The following SPAST variants were observed in gnomAD, a reference collection of about 807,000 sequenced individuals.
SPAST encodes spastic paraplegia 4 (autosomal dominant; spastin).
SPAST carries 30 observed loss-of-function variants against 76.6 expected under a neutral mutation model. The ratio of observed to expected loss-of-function variants is 0.39; its 90% CI spans 0.29 to 0.53. The LOEUF is 0.53. Ranked by LOEUF, SPAST falls within the 20% of genes least tolerant of loss-of-function variation. The pLI is 0.68. For synonymous variants in SPAST, 305 were observed against 281.0 expected (o/e 1.09, Z -0.86); for missense variants, 717 against 770.5 (o/e 0.93, Z 0.82).
intron 16 of SPAST, among the ~76,000 whole-genome samples, chr2:32,148,803 T>TC (rs1679980011): frequency 7.9e-6 from 1 of 126,912 alleles, no homozygotes; most frequent in South Asian, 3.1e-4. Context: ...AGAGCAAGAC[T>TC]CCATCTCAAA....
chr2:32,110,761 A>ATATAGTATATATAGTATAGTATATATAG (rs556668532), intron 4 of SPAST, among the ~76,000 whole-genome samples: 1 of 134,018 alleles, frequency 7.5e-6, no homozygotes, highest in African/African-American at 2.9e-5. Context: ...AGTATAGTAT[A>ATATAGTATATATAGTATAGTATATATAG]TATAGTATAC....
chr2:32,126,684 C>CGGAA (rs1313938817), intron 7 of SPAST: 2 of 310,780 alleles, frequency 6.4e-6, no homozygotes, highest in Non-Finnish European at 1.2e-5. Flanking sequence ...GCAGAGTTCC[C>CGGAA]CTATGTTGCC....
chr2:32,136,533 T>C, intron 9 of SPAST, 30 bp from the exon 10 acceptor site: 1 of 1,468,196 alleles, frequency 6.8e-7, no homozygotes, highest in Non-Finnish European at 9.5e-7. Context: ...TTGCATTTTA[T>C]GTGTATAACA....
chr2:32,142,915 TGG>T (rs1486812240), intron 13 of SPAST, among the ~76,000 whole-genome samples: 9 of 152,176 alleles, frequency 5.9e-5, no homozygotes, highest in Admixed American at 5.9e-4. Flanking sequence ...TCTATAAAAC[TGG>T]TTTTTTGCAG....
At chr2:32,083,754 A>AG (rs1558620147) in intron 1 of SPAST, among the ~76,000 whole-genome samples, 3 of 61,136 alleles carry the variant, frequency 4.9e-5, no homozygotes, top group Non-Finnish European at 9.4e-5. Flanking sequence ...TATATACTAT[A>AG]TATATATATA....
chr2:32,093,874 C>T (rs531502650), intron 3 of SPAST, among the ~76,000 whole-genome samples: 1 of 152,198 alleles, frequency 6.6e-6, no homozygotes, highest in South Asian at 2.1e-4. Flanking sequence ...CAAAATTAAT[C>T]TTTTCATCTA....
rs570554995 is a variant in SPAST, at chr2:32,079,811, G to A, written c.416-7681G>A. On this transcript the variant is annotated intron_variant, in intron 1 of 16. Transcript: ENST00000315285. ...GCTCAGTCAGTCCACTTTTGCCTCGGCATGAGCCACTGTGTGCAGCCCACG... is the reference window on the plus strand; with the variant it reads ...GCTCAGTCAGTCCACTTTTGCCTCGACATGAGCCACTGTGTGCAGCCCACG... Among the ~76,000 whole-genome samples the A allele has an allele frequency of 5.3e-4, 80 of 152,164 alleles. 1 individual carries two copies. Among genetic ancestry groups the A allele is most frequent in the Admixed American group, 2.8e-3 (43 of 15,270 alleles).
chr2:32,091,371 C>T lies in SPAST; in HGVS notation c.586+1766C>T, dbSNP rs541415533. Among the ~76,000 whole-genome samples the T allele has an allele frequency of 1.6e-4, 24 of 150,394 alleles. No individual in the cohort carries two copies. In the South Asian group the frequency reaches 4.4e-3, roughly 28 times the overall value. On this transcript the variant is annotated intron_variant, in intron 3 of 16. Coordinates refer to ENST00000315285, the MANE Select transcript of SPAST (RefSeq NM_014946.4). ...TCTCGGCTCAATGCACCCTCCACCTCCTGGGTTCAAACTATTCTCGTGATT... is the reference window on the plus strand; with the variant it reads ...TCTCGGCTCAATGCACCCTCCACCTTCTGGGTTCAAACTATTCTCGTGATT...
At chr2:32,095,235 C>G (rs1677874154) in intron 3 of SPAST, among the ~76,000 whole-genome samples, 1 of 152,148 alleles carries the variant, frequency 6.6e-6, no homozygotes, top group Non-Finnish European at 1.5e-5. Flanking sequence ...AAATGGTCCT[C>G]TCTTTATGGA....
chr2:32,104,824 G>C lies in SPAST; in HGVS notation c.682+5933G>C, dbSNP rs186604816. ...TAGAGTTTCTGCCAAGAGATCAGCT[G>C]TTAGTCTGATGGGCTTCCCTTTGTG... On this transcript the variant is annotated intron_variant, in intron 4 of 16. Coordinates refer to ENST00000315285, the MANE Select transcript of SPAST (RefSeq NM_014946.4). Among the ~76,000 whole-genome samples, 1,459 of 152,318 alleles carry C rather than the reference G, an allele frequency of 9.6e-3. 27 individuals carry two copies. The highest frequency in any genetic ancestry group is 0.05 in the South Asian group (241 of 4,826).
intron 6 of SPAST, 100 bp downstream of exon 6, chr2:32,115,935 G>A: frequency 9.7e-7 from 1 of 1,027,532 alleles, no homozygotes; most frequent in Non-Finnish European, 1.5e-6. Context: ...TACCTTGTCT[G>A]GTTTACATAC....
chr2:32,083,767 TATATATA>T lies in SPAST; in HGVS notation c.416-3724_416-3718del, dbSNP rs1558620246. Reference sequence around the variant, plus strand: ...TATATATACTATATATATATATATATATATATATATTTTTTTTTTTTTTTGAGATGAA... The same window carrying T: ...TATATATACTATATATATATATATATTATTTTTTTTTTTTTTTGAGATGAA... On this transcript the variant is annotated intron_variant, in intron 1 of 16. Transcript: ENST00000315285. Among the ~76,000 whole-genome samples the T allele has an allele frequency of 8.7e-4, 86 of 98,598 alleles. 1 individual carries two copies. The highest frequency in any genetic ancestry group is 2.2e-3 in the African/African-American group (51 of 23,448). The allele number at this position is 98,598 out of a possible 152,430, so 64.7% of individuals were successfully genotyped here.
intron 7 of SPAST, among the ~76,000 whole-genome samples, chr2:32,117,623 T>C (rs1678886097): frequency 6.6e-6 from 1 of 151,558 alleles, no homozygotes; most frequent in African/African-American, 2.4e-5. Context: ...CCTCTGCCTT[T>C]GGGGTTCAAG....
rs1425713442 is a variant in SPAST at position 32,128,707 on chromosome 2, G to A, written c.1245+228G>A. ...GCCATGTAATAAAATACCGTAAACT[G>A]GCTGGCTTAAACATCAGCAATTTAT... On this transcript the variant is annotated intron_variant, in intron 9 of 16. Coordinates refer to ENST00000315285, the MANE Select transcript of SPAST (RefSeq NM_014946.4). 3 of 523,786 alleles carry A rather than the reference G, an allele frequency of 5.7e-6. No homozygotes were observed. In the East Asian group the frequency reaches 1.0e-4, roughly 18 times the overall value. The allele number at this position is 523,786 out of a possible 1,614,324, so 32.4% of individuals were successfully genotyped here.
At chr2:32,121,284 C>T (rs138795215) in intron 7 of SPAST, among the ~76,000 whole-genome samples, 1 of 152,042 alleles carries the variant, frequency 6.6e-6, no homozygotes, top group East Asian at 1.9e-4. Flanking sequence ...TCCCGAGTAG[C>T]TGGGATTACA....
intron 3 of SPAST, among the ~76,000 whole-genome samples, chr2:32,097,249 T>C (rs918846286): frequency 2.0e-5 from 3 of 152,208 alleles, no homozygotes; most frequent in African/African-American, 7.2e-5. Flanking sequence ...GACCCAGATC[T>C]TGGGAGGGGT....
At chr2:32,076,025 C>T (rs763611727) in intron 1 of SPAST, among the ~76,000 whole-genome samples, 1 of 150,408 alleles carries the variant, frequency 6.6e-6, no homozygotes. Context: ...CTCAGCCTCT[C>T]GAACAGCTGA....
intron 4 of SPAST, among the ~76,000 whole-genome samples, chr2:32,110,005 A>G (rs1265522605): frequency 6.7e-6 from 1 of 148,708 alleles, no homozygotes; most frequent in Non-Finnish European, 1.5e-5. Context: ...AGTTATATCA[A>G]AATAACTATG....
chr2:32,086,485 G>A (rs979605781), intron 1 of SPAST, among the ~76,000 whole-genome samples: 3 of 151,686 alleles, frequency 2.0e-5, no homozygotes, highest in Admixed American at 6.6e-5. Context: ...AAATGAGGCC[G>A]GGCGCGGTGG....
Sources: allele counts gnomAD v4.1 joint callset (sites outside exome capture counted in the v4.1 genomes callset), GRCh38; gene constraint gnomAD v4.1.1; transcripts MANE v1.5; gene names NCBI Gene and HGNC (gene_info 2026-07-23, HGNC 2026-07-21).